CD2AP: variants seen among roughly 807,000 people sequenced by gnomAD.
CD2AP encodes CD2-associated protein.
A neutral mutation model predicts 85.1 loss-of-function variants in CD2AP; 46 were observed. The ratio of observed to expected loss-of-function variants is 0.54; its 90% CI spans 0.43 to 0.69. CD2AP has a LOEUF of 0.69. Ranked by LOEUF, CD2AP falls within the 30% of genes least tolerant of loss-of-function variation. The pLI, the probability that CD2AP is intolerant of heterozygous loss-of-function variation, is 0.00. For missense variants in CD2AP, 769 were observed against 729.5 expected, an observed-to-expected ratio of 1.05 and a Z score of -0.62; for synonymous variants, 255 against 252.9, an observed-to-expected ratio of 1.01 and a Z score of -0.08.
Position 47,549,260 on chromosome 6 carries a change from A to G in CD2AP, c.420+4554A>G, listed in dbSNP as rs145519213. On this transcript the variant is annotated intron_variant, in intron 4 of 17. Transcript: ENST00000359314. ...TCCAACTTGGTAAAGAGGAAGTCAC[A>G]CTGTCACTGTTTGCTGATGATATGA... Among the ~76,000 whole-genome samples, 679 of 152,196 alleles carry G rather than the reference A, an allele frequency of 4.5e-3. 5 individuals carry two copies. Among genetic ancestry groups the G allele is most frequent in the African/African-American group, 0.015 (638 of 41,526 alleles).
chr6:47,578,746 T>G (rs2114103138), intron 8 of CD2AP, among the ~76,000 whole-genome samples: 1 of 148,356 alleles, frequency 6.7e-6, no homozygotes, highest in Middle Eastern at 3.5e-3. Context: ...AGCCTCTGCC[T>G]CCCGAGTTCA....
intron 2 of CD2AP, among the ~76,000 whole-genome samples, chr6:47,507,000 A>G (rs1399538460): frequency 1.3e-5 from 2 of 152,190 alleles, no homozygotes; most frequent in African/African-American, 2.4e-5. Flanking sequence ...AGTCGTTTCA[A>G]ACCCTCCTTC....
At chr6:47,512,121 G>A (rs1766333260) in intron 2 of CD2AP, among the ~76,000 whole-genome samples, 2 of 151,978 alleles carry the variant, frequency 1.3e-5, no homozygotes, top group African/African-American at 4.8e-5. Flanking sequence ...TCGCGCCACT[G>A]CACTCCAGCC....
At chr6:47,497,899 C>T (rs1203630269) in intron 1 of CD2AP, among the ~76,000 whole-genome samples, 3 of 152,152 alleles carry the variant, frequency 2.0e-5, no homozygotes, top group South Asian at 2.1e-4. Context: ...TTTTGTCTCC[C>T]GTTTAGTATA....
intron 13 of CD2AP, among the ~76,000 whole-genome samples, chr6:47,604,951 G>A (rs570691666): frequency 7.2e-5 from 11 of 152,020 alleles, no homozygotes; most frequent in South Asian, 2.1e-4. Context: ...GCATATTACC[G>A]AACAGTGATG....
intron 5 of CD2AP, among the ~76,000 whole-genome samples, chr6:47,565,845 G>A (rs563871703): frequency 3.6e-4 from 55 of 152,210 alleles, no homozygotes; most frequent in East Asian, 1.9e-3. Context: ...TAGTCTGGTA[G>A]CCAGTAGTGA....
At chr6:47,585,020 G>A (rs1312225062) in intron 11 of CD2AP, among the ~76,000 whole-genome samples, 2 of 151,968 alleles carry the variant, frequency 1.3e-5, no homozygotes, top group African/African-American at 4.8e-5. Context: ...GAGGCCGGGC[G>A]CGGTGTCTTA....
At chr6:47,580,174 G>A (rs1172975335) in intron 9 of CD2AP, among the ~76,000 whole-genome samples, 1 of 152,146 alleles carries the variant, frequency 6.6e-6, no homozygotes, top group East Asian at 1.9e-4. Flanking sequence ...TATTGATTCA[G>A]CCTTCATATG....
At chr6:47,522,712 T>C (rs2114008800) in intron 2 of CD2AP, among the ~76,000 whole-genome samples, 1 of 152,176 alleles carries the variant, frequency 6.6e-6, no homozygotes, top group Non-Finnish European at 1.5e-5. Flanking sequence ...TTTCTAGCAA[T>C]TTTTTTCTCT....
chr6:47,516,442 G>A (rs780172298), intron 2 of CD2AP, among the ~76,000 whole-genome samples: 1 of 152,118 alleles, frequency 6.6e-6, no homozygotes, highest in Non-Finnish European at 1.5e-5. Flanking sequence ...CTATCAAAGG[G>A]GCAGAAAAAT....
Position 47,537,548 on chromosome 6 carries a change from T to G in CD2AP, c.319+3793T>G, listed in dbSNP as rs1466446939. 3.9e-5 allele frequency among the ~76,000 whole-genome samples: 6 copies of G among 152,186 alleles called. 1 individual carries two copies. Among genetic ancestry groups the G allele is most frequent in the African/African-American group, 1.4e-4 (6 of 41,442 alleles). On this transcript the variant is annotated intron_variant, in intron 3 of 17. Transcript: ENST00000359314. ...CTTCACCTACATATGCTGTTAACAT[T>G]TTCTCACATTGGCTTTATCTTAATA...
intron 17 of CD2AP, among the ~76,000 whole-genome samples, chr6:47,617,076 C>T (rs1181251273): frequency 3.9e-5 from 6 of 152,010 alleles, no homozygotes; most frequent in East Asian, 3.9e-4. Flanking sequence ...CAAGTGATCC[C>T]GCCTCAGCCT....
intron 4 of CD2AP, among the ~76,000 whole-genome samples, chr6:47,548,516 T>C (rs542102477): frequency 1.3e-5 from 2 of 152,224 alleles, no homozygotes; most frequent in Non-Finnish European, 2.9e-5. Flanking sequence ...GAATTACATA[T>C]GCTGAACAGA....
intron 11 of CD2AP, among the ~76,000 whole-genome samples, chr6:47,589,581 T>TATATATATATATATATATATA (rs1562046500): frequency 1.2e-4 from 18 of 148,530 alleles, no homozygotes; most frequent in South Asian, 4.3e-4. Flanking sequence ...TATATATATA[T>TATATATATATATATATATATA]TTGTCAGAGT....
intron 17 of CD2AP, among the ~76,000 whole-genome samples, chr6:47,617,178 TG>T (rs1457685943): frequency 3.9e-5 from 6 of 152,120 alleles, no homozygotes; most frequent in Non-Finnish European, 8.8e-5. Flanking sequence ...TTGCCCAGGT[TG>T]ATCTTGAACT....
At chr6:47,540,174 CAAAAAAAA>C (rs373888400) in intron 3 of CD2AP, among the ~76,000 whole-genome samples, 2 of 55,654 alleles carry the variant, frequency 3.6e-5, no homozygotes, top group African/African-American at 6.5e-5. Flanking sequence ...GGCCCTGTCT[CAAAAAAAA>C]AAAAAAAAAA....
At chr6:47,594,482 T>G (rs924243057) in intron 11 of CD2AP, among the ~76,000 whole-genome samples, 2 of 152,048 alleles carry the variant, frequency 1.3e-5, no homozygotes, top group Non-Finnish European at 2.9e-5. Context: ...TGTATTCTGT[T>G]AAAATAAATA....
In CD2AP at chr6:47,478,586, T is replaced by TCATCCCCTTGCTTCCCTCCCC. The variant is rs1353095220; in HGVS notation, c.4+340_4+360dup. Among the ~76,000 whole-genome samples, 13 of 152,274 alleles carry TCATCCCCTTGCTTCCCTCCCC rather than the reference T, an allele frequency of 8.5e-5. No individual in the cohort carries two copies. In the East Asian group the frequency reaches 2.3e-3, roughly 27 times the overall value. ...TCAGACCTGACCTTCCTTCCCTTCC[T>TCATCCCCTTGCTTCCCTCCCC]CATCCCCTTGCTTCCCTCCCCCTCC... On this transcript the variant is annotated intron_variant, in intron 1 of 17. Transcript: ENST00000359314.
chr6:47,576,446 C>G (rs893524299), intron 6 of CD2AP, 78 bp from the exon 7 acceptor site: 2 of 973,276 alleles, frequency 2.1e-6, no homozygotes, highest in Non-Finnish European at 3.3e-6. Context: ...AGCTGGGTAA[C>G]TGTAAATGGA....
Sources: allele counts gnomAD v4.1 joint callset (sites outside exome capture counted in the v4.1 genomes callset), GRCh38; gene constraint gnomAD v4.1.1; transcripts MANE v1.5; gene names NCBI Gene and HGNC (gene_info 2026-07-23, HGNC 2026-07-21).